CHEK2: variants seen among roughly 807,000 people sequenced by gnomAD.
CHEK2 encodes checkpoint kinase 2.
Under a neutral mutation model 69.1 loss-of-function variants are expected in CHEK2, and 71 were observed. That is an observed-to-expected ratio of 1.03 (90% CI 0.85 to 1.25). The LOEUF is 1.25. CHEK2 is among the 50% of genes most tolerant of loss of function. The pLI, the probability that CHEK2 is intolerant of heterozygous loss-of-function variation, is 0.00. For synonymous variants in CHEK2, 189 were observed against 226.9 expected, an observed-to-expected ratio of 0.83 and a Z score of 1.50; for missense variants, 664 against 649.6, an observed-to-expected ratio of 1.02 and a Z score of -0.24.
intron 4 of CHEK2, among the ~76,000 whole-genome samples, chr22:28,720,613 G>A (rs953852756): frequency 2.6e-5 from 4 of 152,090 alleles, no homozygotes; most frequent in South Asian, 2.1e-4. Flanking sequence ...GACAGGTTTT[G>A]ACCTCCCTAG....
Position 28,712,240 on chromosome 22 carries a change from C to T in CHEK2, c.684-223G>A, listed in dbSNP as rs1475427039. 1.9e-5 allele frequency: 11 copies of T among 579,404 alleles called. No individual in the cohort carries two copies. The Admixed American group carries it at 2.1e-4, about 11-fold the overall frequency. The allele number at this position is 579,404 out of a possible 1,614,324, so 35.9% of individuals were successfully genotyped here. The stretch of plus-strand genomic sequence containing the variant: ...CTCCAAATTCCATTTCTGAGCCCAG[C>T]AATACAAACATGGGTCTTACTGTAG... On this transcript the variant is annotated intron_variant, in intron 5 of 14. Coordinates refer to ENST00000404276, the MANE Select transcript of CHEK2 (RefSeq NM_007194.4).
At chr22:28,695,992 C>T in intron 10 of CHEK2, 119 bp from the exon 11 acceptor site, 4 of 755,800 alleles carry the variant, frequency 5.3e-6, no homozygotes, top group Non-Finnish European at 9.2e-6. Context: ...CAATTCACAC[C>T]TGCCATTAAT....
intron 1 of CHEK2, among the ~76,000 whole-genome samples, chr22:28,736,764 A>ACCCC (rs17881006): frequency 2.8e-4 from 39 of 138,182 alleles, no homozygotes; most frequent in Non-Finnish European, 3.9e-4. Context: ...ACATAGTGGG[A>ACCCC]CCCCCCCCGC....
chr22:28,718,660 T>C (rs1475285942), intron 5 of CHEK2, among the ~76,000 whole-genome samples: 3 of 151,994 alleles, frequency 2.0e-5, no homozygotes, highest in African/African-American at 4.8e-5. Context: ...GATGGGTGGA[T>C]TGCTTGAGCT....
chr22:28,693,434 C>T (rs1407669743), intron 13 of CHEK2, among the ~76,000 whole-genome samples: 2 of 152,132 alleles, frequency 1.3e-5, no homozygotes, highest in African/African-American at 4.8e-5. Context: ...GGATTCTCCC[C>T]AGGGAGGCTG....
chr22:28,725,772 G>C (rs7289973), intron 2 of CHEK2, among the ~76,000 whole-genome samples: 32,219 of 151,978 alleles, frequency 0.21, 3,721 homozygotes, highest in East Asian at 0.42. Flanking sequence ...AGCAGGGTGT[G>C]GTGGTGGGTC....
At chr22:28,693,780 A>C (rs2052453648) in intron 13 of CHEK2, among the ~76,000 whole-genome samples, 1 of 151,932 alleles carries the variant, frequency 6.6e-6, no homozygotes, top group Non-Finnish European at 1.5e-5. Flanking sequence ...AATCACTTGA[A>C]CCCGGGGGCC....
Position 28,703,507 on chromosome 22 carries a change from T to G in CHEK2, c.906A>C (p.Glu302Asp), listed in dbSNP as rs587780190. The part of the protein sequence containing the change: ...FDAEDYYIVL[E>D]LMEGGELFDK... ...TTTTTAAAAAGTTTACTACTTACAA[T>G]TCCAAAACAATATAATAATCTTCTG... is the stretch of plus-strand genomic sequence containing the variant. Residue 302 changes from glutamate to aspartate, a missense_variant and splice_region_variant, in exon 8 of 15, where the codon GAA (glutamate) becomes GAC (aspartate). Coordinates refer to ENST00000404276, the MANE Select transcript of CHEK2 (RefSeq NM_007194.4). 14 of 1,437,854 alleles carry G rather than the reference T, an allele frequency of 9.7e-6. 1 individual carries two copies. Among genetic ancestry groups the G allele is most frequent in the Middle Eastern group, 3.5e-4 (2 of 5,762 alleles). The allele number at this position is 1,437,854 out of a possible 1,614,324, so 89.1% of individuals were successfully genotyped here. A position where few individuals can be genotyped will look rare whatever the true frequency, so the allele number is the denominator to read the frequency against.
At chr22:28,702,539 T>A (rs2052925085) in intron 8 of CHEK2, among the ~76,000 whole-genome samples, 1 of 62,562 alleles carries the variant, frequency 1.6e-5, no homozygotes, top group Admixed American at 1.4e-4. Flanking sequence ...CGCCCGGCCT[T>A]TTTTTTTTTT....
intron 9 of CHEK2, among the ~76,000 whole-genome samples, chr22:28,697,495 A>G (rs1001439253): frequency 1.4e-4 from 22 of 152,240 alleles, no homozygotes; most frequent in Non-Finnish European, 2.8e-4. Flanking sequence ...GTCTTTGAAA[A>G]AACTATTGTC....
intron 8 of CHEK2, among the ~76,000 whole-genome samples, chr22:28,702,121 T>TTGTGTGTGTG (rs1220287391): frequency 6.0e-5 from 4 of 66,262 alleles, no homozygotes; most frequent in Admixed American, 3.5e-4. Flanking sequence ...CCGGCTAATT[T>TTGTGTGTGTG]TGTGTGTGTG....
intron 5 of CHEK2, among the ~76,000 whole-genome samples, chr22:28,713,385 A>C (rs1256408352): frequency 6.8e-6 from 1 of 146,926 alleles, no homozygotes; most frequent in Non-Finnish European, 1.5e-5. Context: ...TTTGAGATGG[A>C]GTCTCGCTCA....
intron 8 of CHEK2, among the ~76,000 whole-genome samples, chr22:28,702,131 GTGTC>G (rs1184716147): frequency 1.8e-5 from 2 of 112,744 alleles, no homozygotes; most frequent in African/African-American, 3.5e-5. Context: ...TTGTGTGTGT[GTGTC>G]TGTGTGTGTG....
rs773846607 is a variant in CHEK2, at chr22:28,696,974, T to C, written c.1022A>G (p.Asn341Ser). The C allele has an allele frequency of 9.9e-6, 16 of 1,611,930 alleles. No individual in the cohort carries two copies. The highest frequency in any genetic ancestry group is 1.4e-5 in the Non-Finnish European group (16 of 1,178,186). The change falls in exon 10 of 15, where the codon AAC becomes AGC. Residue 341 changes from asparagine to serine, a missense_variant. Coordinates refer to ENST00000404276, the MANE Select transcript of CHEK2 (RefSeq NM_007194.4). ...CTTTAAGTCACGGTGTATAATACCG[T>C]TTTCATGAAGGTACTACACAGAAAG... ...MLLAVQYLHE[N>S]GIIHRDLKPE...
At chr22:28,735,574 A>T (rs1404861366) in intron 1 of CHEK2, among the ~76,000 whole-genome samples, 2 of 152,068 alleles carry the variant, frequency 1.3e-5, no homozygotes, top group African/African-American at 4.8e-5. Context: ...GAGATATTTA[A>T]CACCTTATTA....
chr22:28,715,859 T>G (rs918327275), intron 5 of CHEK2, among the ~76,000 whole-genome samples: 1 of 151,776 alleles, frequency 6.6e-6, no homozygotes, highest in Non-Finnish European at 1.5e-5. Context: ...ATACATTTCT[T>G]CTTCTTTTTT....
intron 5 of CHEK2, 104 bp from the exon 6 acceptor site, chr22:28,712,121 A>T: frequency 4.9e-6 from 4 of 820,858 alleles, no homozygotes; most frequent in East Asian, 2.6e-5. Flanking sequence ...CATTCCATAT[A>T]ACAGCCTTTC....
At chr22:28,729,273 G>T (rs1051802558) in intron 2 of CHEK2, 4 of 272,032 alleles carry the variant, frequency 1.5e-5, no homozygotes, top group Non-Finnish European at 3.0e-5. Flanking sequence ...GCCAGGCGCG[G>T]TGGCTCACAT....
At chr22:28,716,251 C>T (rs2053584483) in intron 5 of CHEK2, among the ~76,000 whole-genome samples, 1 of 147,842 alleles carries the variant, frequency 6.8e-6, no homozygotes, top group South Asian at 2.1e-4. Flanking sequence ...GGGTGGAGTG[C>T]AGTGGCGTGA....
Sources: allele counts gnomAD v4.1 joint callset (sites outside exome capture counted in the v4.1 genomes callset), GRCh38; gene constraint gnomAD v4.1.1; transcripts MANE v1.5; gene names NCBI Gene and HGNC (gene_info 2026-07-23, HGNC 2026-07-21).